AKAP13: variants seen among roughly 807,000 people sequenced by gnomAD.
AKAP13 encodes the protein A-kinase anchoring protein 13, also known as A-kinase anchor protein 13.
Under a neutral mutation model 264.5 loss-of-function variants are expected in AKAP13, and 80 were observed. The ratio of observed to expected loss-of-function variants is 0.30; its 90% confidence interval spans 0.25 to 0.36. The LOEUF (loss-of-function observed/expected upper bound fraction) is 0.36. AKAP13 is among the 10% of genes least tolerant of loss of function. The probability of loss-of-function intolerance (pLI) is 1.00; values close to 1 mark genes in which losing one functional copy is unlikely to be tolerated. For synonymous variants in AKAP13, 1,380 were observed against 1,250.2 expected, an observed-to-expected ratio of 1.10 and a Z score of -2.19; for missense variants, 3,712 against 3,435.2, an observed-to-expected ratio of 1.08 and a Z score of -2.01.
intron 1 of AKAP13, among the ~76,000 whole-genome samples, chr15:85,476,021 A>G (rs1456052734): frequency 2.6e-5 from 4 of 152,336 alleles, no homozygotes; most frequent in Non-Finnish European, 5.9e-5. Context: ...GCACAAAAAT[A>G]AAAGAAAAAT....
intron 1 of AKAP13, among the ~76,000 whole-genome samples, chr15:85,399,229 G>A (rs2071268304): frequency 6.6e-6 from 1 of 151,902 alleles, no homozygotes; most frequent in Admixed American, 6.6e-5. Flanking sequence ...GGGCGCGGTG[G>A]CTCACGCCTG....
intron 2 of AKAP13, among the ~76,000 whole-genome samples, chr15:85,510,023 C>T (rs1476310345): frequency 6.6e-6 from 1 of 152,222 alleles, no homozygotes; most frequent in African/African-American, 2.4e-5. Context: ...CTGTGGGAGG[C>T]CTCCCTGCCC....
intron 1 of AKAP13, among the ~76,000 whole-genome samples, chr15:85,396,009 A>G (rs575169061): frequency 4.5e-4 from 56 of 124,090 alleles, no homozygotes; most frequent in African/African-American, 1.6e-3. Flanking sequence ...TGAATTTTTG[A>G]CTATACATAC....
intron 8 of AKAP13, among the ~76,000 whole-genome samples, chr15:85,601,079 G>T (rs977557009): frequency 2.0e-5 from 3 of 152,154 alleles, no homozygotes; most frequent in African/African-American, 7.2e-5. Flanking sequence ...ATCCTTGATG[G>T]CTCAGAATTA....
chr15:85,674,909 A>G (rs544057333), intron 14 of AKAP13, among the ~76,000 whole-genome samples: 14 of 152,252 alleles, frequency 9.2e-5, no homozygotes, highest in Middle Eastern at 6.8e-3. Flanking sequence ...AAAAGATAAC[A>G]TTGACAAATA....
At chr15:85,496,502 A>G (rs765537015) in intron 2 of AKAP13, among the ~76,000 whole-genome samples, 6 of 152,202 alleles carry the variant, frequency 3.9e-5, no homozygotes, top group African/African-American at 1.2e-4. Context: ...GAACAAGTGT[A>G]GTTTGCATAA....
chr15:85,663,265 G>A (rs550742397), intron 12 of AKAP13, among the ~76,000 whole-genome samples: 2 of 150,664 alleles, frequency 1.3e-5, no homozygotes, highest in South Asian at 2.1e-4. Context: ...AGCCAAGGTC[G>A]TGCCACTGCA....
chr15:85,461,379 G>A (rs1165490117), intron 1 of AKAP13, among the ~76,000 whole-genome samples: 3 of 152,162 alleles, frequency 2.0e-5, no homozygotes, highest in Admixed American at 2.0e-4. Flanking sequence ...GCCTCCCAGA[G>A]TGCTGGGATT....
intron 8 of AKAP13, among the ~76,000 whole-genome samples, chr15:85,621,896 C>A (rs1248490752): frequency 6.6e-6 from 1 of 152,126 alleles, no homozygotes; most frequent in Admixed American, 6.5e-5. Context: ...TGTATTTGTA[C>A]TATCCTGCCC....
At chr15:85,705,861 G>A (rs1484497929) in intron 17 of AKAP13, among the ~76,000 whole-genome samples, 1 of 142,398 alleles carries the variant, frequency 7.0e-6, no homozygotes, top group African/African-American at 2.7e-5. Flanking sequence ...CGTAGTCTGT[G>A]TTTTATAATT....
At chr15:85,545,409 G>A (rs912395015) in intron 5 of AKAP13, among the ~76,000 whole-genome samples, 1 of 152,246 alleles carries the variant, frequency 6.6e-6, no homozygotes, top group Non-Finnish European at 1.5e-5. Context: ...CCTTGGAGGG[G>A]ATGTCACAAG....
At chr15:85,423,398 T>G (rs1375344088) in intron 1 of AKAP13, among the ~76,000 whole-genome samples, 1 of 152,248 alleles carries the variant, frequency 6.6e-6, no homozygotes, top group Non-Finnish European at 1.5e-5. Context: ...ATTTCAACAA[T>G]GCACAGCATC....
intron 25 of AKAP13, 124 bp from the exon 26 acceptor site, chr15:85,722,948 G>T (rs2087386474): frequency 7.7e-7 from 1 of 1,302,174 alleles, no homozygotes; most frequent in Non-Finnish European, 1.0e-6. Context: ...CTGACGTGTT[G>T]GCTTCCCTCT....
intron 2 of AKAP13, among the ~76,000 whole-genome samples, chr15:85,489,065 T>C (rs540818623): frequency 3.3e-5 from 5 of 152,326 alleles, no homozygotes; most frequent in Non-Finnish European, 7.3e-5. Context: ...GTAAATACTT[T>C]AGCTAATATA....
chr15:85,402,102 G>C (rs1283605287), intron 1 of AKAP13, among the ~76,000 whole-genome samples: 1 of 152,164 alleles, frequency 6.6e-6, no homozygotes, highest in Non-Finnish European at 1.5e-5. Flanking sequence ...CGGTTAAACT[G>C]TATCAGGTTT....
At chr15:85,576,207 T>G (rs1238337144) in intron 6 of AKAP13, among the ~76,000 whole-genome samples, 1 of 152,152 alleles carries the variant, frequency 6.6e-6, no homozygotes, top group African/African-American at 2.4e-5. Context: ...AAAAGGATAT[T>G]TGTCTGTGTT....
intron 1 of AKAP13, among the ~76,000 whole-genome samples, chr15:85,395,873 C>G (rs974294940): frequency 6.6e-6 from 1 of 152,114 alleles, no homozygotes; most frequent in Non-Finnish European, 1.5e-5. Context: ...ACATGTCTAT[C>G]TTTCCTCCCA....
At chr15:85,499,028 A>G (rs1014929205) in intron 2 of AKAP13, among the ~76,000 whole-genome samples, 3 of 152,216 alleles carry the variant, frequency 2.0e-5, no homozygotes, top group Admixed American at 6.5e-5. Context: ...ACATTTTTCA[A>G]CACGGCTGAC....
chr15:85,655,349 CT>C, intron 10 of AKAP13, 67 bp from the exon 11 acceptor site: 1 of 1,548,060 alleles, frequency 6.5e-7, no homozygotes, highest in Non-Finnish European at 8.7e-7. Context: ...TTGGCTTGAT[CT>C]AGAATAACTG....
Sources: allele counts gnomAD v4.1 joint callset (sites outside exome capture counted in the v4.1 genomes callset), GRCh38; gene constraint gnomAD v4.1.1; transcripts MANE v1.5; gene names NCBI Gene and HGNC (gene_info 2026-07-23, HGNC 2026-07-21).